NRG3: variants seen among roughly 807,000 people sequenced by gnomAD.
NRG3 encodes the protein neuregulin 3, also known as pro-neuregulin-3, membrane-bound isoform.
In NRG3, 31 loss-of-function variants were observed where a neutral mutation model predicts 66.9. That is an observed-to-expected ratio of 0.46 (90% confidence interval 0.35 to 0.63). The LOEUF is 0.63. NRG3 is among the 20% of genes least tolerant of loss of function. The probability of loss-of-function intolerance (pLI) is 0.00; values close to 1 mark genes in which losing one functional copy is unlikely to be tolerated. For synonymous variants in NRG3, 393 were observed against 359.4 expected, an observed-to-expected ratio of 1.09 and a Z score of -1.06; for missense variants, 910 against 878.9, an observed-to-expected ratio of 1.04 and a Z score of -0.45.
intron 1 of NRG3, among the ~76,000 whole-genome samples, chr10:82,033,575 G>A (rs2062664777): frequency 6.6e-6 from 1 of 151,962 alleles, no homozygotes; most frequent in South Asian, 2.1e-4. Context: ...TTTTTGCATA[G>A]TATTTGTATA....
At chr10:82,745,612 ATC>A (rs1430741276) in intron 3 of NRG3, among the ~76,000 whole-genome samples, 2 of 152,104 alleles carry the variant, frequency 1.3e-5, no homozygotes, top group East Asian at 3.9e-4. Context: ...GTCACCATGA[ATC>A]TCACAAAACC....
chr10:81,951,660 C>G (rs933188751), intron 1 of NRG3, among the ~76,000 whole-genome samples: 3 of 152,176 alleles, frequency 2.0e-5, no homozygotes, highest in Non-Finnish European at 4.4e-5. Context: ...CTGACACTTA[C>G]CCTCCTTAAA....
chr10:82,456,455 C>G (rs2091272164), intron 2 of NRG3, among the ~76,000 whole-genome samples: 1 of 152,048 alleles, frequency 6.6e-6, no homozygotes. Context: ...GTGTCTTTTA[C>G]TTTTTAAAAC....
At chr10:82,136,574 C>A (rs1337820349) in intron 1 of NRG3, among the ~76,000 whole-genome samples, 1 of 152,120 alleles carries the variant, frequency 6.6e-6, no homozygotes, top group Non-Finnish European at 1.5e-5. Context: ...CCTCTCTTTC[C>A]TCAAGTAGGA....
chr10:82,510,310 T>C (rs1845057818), intron 2 of NRG3, among the ~76,000 whole-genome samples: 1 of 152,136 alleles, frequency 6.6e-6, no homozygotes, highest in African/African-American at 2.4e-5. Flanking sequence ...TCAATGGGTA[T>C]TTGTTAGATA....
At chr10:82,138,116 TTATC>T (rs1466011507) in intron 1 of NRG3, among the ~76,000 whole-genome samples, 5 of 152,270 alleles carry the variant, frequency 3.3e-5, no homozygotes, top group African/African-American at 9.6e-5. Flanking sequence ...CAAATCCTGT[TTATC>T]TATGATTTTC....
At chr10:82,353,047 A>G (rs1227067704) in intron 1 of NRG3, among the ~76,000 whole-genome samples, 2 of 152,148 alleles carry the variant, frequency 1.3e-5, no homozygotes, top group African/African-American at 4.8e-5. Context: ...TAGAATCAAG[A>G]GTATTTGGTG....
At chr10:82,877,595 G>A (rs1841950987) in intron 4 of NRG3, among the ~76,000 whole-genome samples, 1 of 134,768 alleles carries the variant, frequency 7.4e-6, no homozygotes, top group South Asian at 2.4e-4. Context: ...CACCATGTTG[G>A]CCAGGCTGGT....
chr10:82,761,243 C>T (rs1358402200), intron 3 of NRG3, among the ~76,000 whole-genome samples: 1 of 151,964 alleles, frequency 6.6e-6, no homozygotes, highest in Non-Finnish European at 1.5e-5. Flanking sequence ...TATCTAAAAA[C>T]ACAATAGCAA....
chr10:82,069,539 A>T (rs1195759881), intron 1 of NRG3, among the ~76,000 whole-genome samples: 2 of 152,140 alleles, frequency 1.3e-5, no homozygotes, highest in Admixed American at 6.5e-5. Flanking sequence ...TAATACCCAA[A>T]GTCATACGGG....
intron 1 of NRG3, among the ~76,000 whole-genome samples, chr10:81,972,292 A>T (rs2059961120): frequency 6.6e-6 from 1 of 152,250 alleles, no homozygotes. Flanking sequence ...CACAATGCCT[A>T]GCACCCAATC....
chr10:82,080,678 A>C (rs1401488078), intron 1 of NRG3, among the ~76,000 whole-genome samples: 1 of 152,202 alleles, frequency 6.6e-6, no homozygotes, highest in Non-Finnish European at 1.5e-5. Flanking sequence ...ATTTTTGCTT[A>C]GCCACAGTTT....
intron 3 of NRG3, among the ~76,000 whole-genome samples, chr10:82,805,364 G>T (rs2061233379): frequency 6.6e-6 from 1 of 152,154 alleles, no homozygotes; most frequent in South Asian, 2.1e-4. Context: ...AAACGTGAAT[G>T]CACTTAGAGT....
At chr10:82,866,991 G>T (rs497907) in intron 4 of NRG3, among the ~76,000 whole-genome samples, 112,165 of 152,004 alleles carry the variant, frequency 0.74, 41,906 homozygotes, top group African/African-American at 0.86. Flanking sequence ...AAAAAATGTT[G>T]GTTATATGCC....
At chr10:81,937,590 T>A (rs1199719142) in intron 1 of NRG3, among the ~76,000 whole-genome samples, 1 of 152,120 alleles carries the variant, frequency 6.6e-6, no homozygotes, top group Non-Finnish European at 1.5e-5. Flanking sequence ...TTGCACATTT[T>A]TTATGGAGTT....
At chr10:82,638,382 C>G (rs1386389660) in intron 2 of NRG3, among the ~76,000 whole-genome samples, 1 of 152,100 alleles carries the variant, frequency 6.6e-6, no homozygotes, top group East Asian at 1.9e-4. Context: ...AATGTAAATA[C>G]TCATGAAAAG....
intron 1 of NRG3, among the ~76,000 whole-genome samples, chr10:81,987,365 G>A (rs759332389): frequency 3.9e-5 from 6 of 152,192 alleles, no homozygotes; most frequent in South Asian, 2.1e-4. Flanking sequence ...GATGACAGGC[G>A]TGAGCCACCA....
intron 1 of NRG3, among the ~76,000 whole-genome samples, chr10:81,994,993 ATTTC>A (rs1416036900): frequency 1.3e-5 from 2 of 151,310 alleles, no homozygotes; most frequent in Non-Finnish European, 2.9e-5. Flanking sequence ...TCTTTTTCAG[ATTTC>A]TTTCTTATGT....
intron 2 of NRG3, among the ~76,000 whole-genome samples, chr10:82,505,831 G>A (rs990240019): frequency 1.3e-5 from 2 of 152,270 alleles, no homozygotes; most frequent in Non-Finnish European, 2.9e-5. Flanking sequence ...GTGGCCAAGG[G>A]GCAGGCAGAA....
Sources: allele counts gnomAD v4.1 joint callset (sites outside exome capture counted in the v4.1 genomes callset), GRCh38; gene constraint gnomAD v4.1.1; transcripts MANE v1.5; gene names NCBI Gene and HGNC (gene_info 2026-07-23, HGNC 2026-07-21).